The following CDH23 variants were observed in gnomAD, a reference collection of about 807,000 sequenced individuals.
CDH23 encodes cadherin-23.
Under a neutral mutation model 317.1 loss-of-function variants are expected in CDH23, and 189 were observed. That is an observed-to-expected ratio of 0.60 (90% confidence interval 0.53 to 0.67). The LOEUF (loss-of-function observed/expected upper bound fraction) is 0.67. CDH23 is among the 30% of genes least tolerant of loss of function. The probability of loss-of-function intolerance (pLI) is 0.00; values close to 1 mark genes in which losing one functional copy is unlikely to be tolerated. For missense variants in CDH23, 4,401 were observed against 4,592.4 expected (o/e 0.96, Z 1.20); for synonymous variants, 1,839 against 1,876.8 (o/e 0.98, Z 0.52).
intron 45 of CDH23, 105 bp downstream of exon 45, chr10:71,789,147 C>T (rs1841177619): frequency 3.1e-6 from 2 of 653,846 alleles, no homozygotes; most frequent in Non-Finnish European, 5.5e-6. Flanking sequence ...TGAACCTAGA[C>T]CCCAGTGGGT....
At chr10:71,705,641 G>A (rs1345840261) in intron 25 of CDH23, among the ~76,000 whole-genome samples, 1 of 152,156 alleles carries the variant, frequency 6.6e-6, no homozygotes, top group Non-Finnish European at 1.5e-5. Flanking sequence ...TCATCCCCCT[G>A]GGACTCTCAT....
At chr10:71,633,816 G>A (rs772290790) in intron 11 of CDH23, among the ~76,000 whole-genome samples, 2 of 152,048 alleles carry the variant, frequency 1.3e-5, no homozygotes, top group African/African-American at 2.4e-5. Context: ...GCCAGTCCTC[G>A]CTCCCCATCT....
At chr10:71,477,938 A>G (rs1396889350) in intron 3 of CDH23, among the ~76,000 whole-genome samples, 1 of 151,546 alleles carries the variant, frequency 6.6e-6, no homozygotes, top group Non-Finnish European at 1.5e-5. Context: ...AGACATCACT[A>G]CTCTATCATG....
rs1308444940 is a variant in CDH23 at position 71,811,505 on chromosome 10, C to T, written c.9199-6C>T. Reference sequence around the variant, plus strand: ...GCCCGGGCTTACCCTGGTCCTGCTCCCGCAGATGGCGATCATCGTCCTGGC... The same window carrying T: ...GCCCGGGCTTACCCTGGTCCTGCTCTCGCAGATGGCGATCATCGTCCTGGC... On this transcript the variant is annotated splice_polypyrimidine_tract_variant and splice_region_variant and intron_variant, in intron 63 of 69. Coordinates refer to ENST00000224721, the MANE Select transcript of CDH23 (RefSeq NM_022124.6). The T allele has an allele frequency of 6.2e-7, 1 of 1,614,024 alleles. No individual in the cohort carries two copies. Among genetic ancestry groups the T allele is most frequent in the Non-Finnish European group, 8.5e-7 (1 of 1,179,894 alleles).
At chr10:71,551,828 T>C (rs1371003265) in intron 6 of CDH23, among the ~76,000 whole-genome samples, 3 of 152,096 alleles carry the variant, frequency 2.0e-5, no homozygotes, top group African/African-American at 4.8e-5. Flanking sequence ...CTCTGCCCTG[T>C]TCCTCCCACA....
At chr10:71,617,466 G>A (rs760748095) in intron 11 of CDH23, 73 bp downstream of exon 11, 1 of 1,558,712 alleles carries the variant, frequency 6.4e-7, no homozygotes, top group Non-Finnish European at 8.7e-7. Context: ...GGGCTGTTCA[G>A]GTCCTCAGCT....
At chr10:71,673,367 T>C (rs976042061) in intron 14 of CDH23, among the ~76,000 whole-genome samples, 4 of 152,236 alleles carry the variant, frequency 2.6e-5, no homozygotes, top group African/African-American at 9.6e-5. Context: ...GGCAGTCAGA[T>C]CTTCCCAAGA....
At chr10:71,654,304 C>T (rs1057140201) in intron 14 of CDH23, among the ~76,000 whole-genome samples, 2 of 152,184 alleles carry the variant, frequency 1.3e-5, no homozygotes, top group Non-Finnish European at 2.9e-5. Flanking sequence ...CTGCAGCTTA[C>T]GTGGCTTGCC....
At chr10:71,456,406 G>GTTTTGGATGCGGCCATAATAACACT (rs1564591931) in intron 3 of CDH23, among the ~76,000 whole-genome samples, 2 of 151,064 alleles carry the variant, frequency 1.3e-5, no homozygotes, top group African/African-American at 4.9e-5. Context: ...CCTCTAAGGT[G>GTTTTGGATGCGGCCATAATAACACT]ATAGAACAGA....
At chr10:71,761,902 G>A in intron 38 of CDH23, 2 of 1,614,140 alleles carry the variant, frequency 1.2e-6, no homozygotes, top group East Asian at 2.2e-5. Flanking sequence ...ACCACGTCTT[G>A]TAGAAGGTCA....
intron 42 of CDH23, 127 bp from the exon 43 acceptor site, chr10:71,784,764 T>C (rs1841051036): frequency 4.2e-6 from 3 of 720,520 alleles, no homozygotes; most frequent in Middle Eastern, 2.9e-4. Flanking sequence ...CCCTTTTCTC[T>C]TTCTTCTCCA....
intron 3 of CDH23, among the ~76,000 whole-genome samples, chr10:71,472,653 C>T (rs1336951291): frequency 1.3e-5 from 2 of 152,236 alleles, no homozygotes; most frequent in East Asian, 3.8e-4. Context: ...CTGCCAGATA[C>T]TCCACAGCGA....
chr10:71,490,726 C>G (rs1311572128), intron 3 of CDH23, among the ~76,000 whole-genome samples: 1 of 152,210 alleles, frequency 6.6e-6, no homozygotes, highest in Non-Finnish European at 1.5e-5. Flanking sequence ...TGAACATGGA[C>G]TTATGTGTTT....
chr10:71,479,094 A>C (rs1851936643), intron 3 of CDH23, among the ~76,000 whole-genome samples: 1 of 152,106 alleles, frequency 6.6e-6, no homozygotes, highest in Non-Finnish European at 1.5e-5. Flanking sequence ...AAACTAAATA[A>C]TTGTCCCCAT....
At chr10:71,695,105 C>G (rs1224241686) in intron 21 of CDH23, among the ~76,000 whole-genome samples, 1 of 152,204 alleles carries the variant, frequency 6.6e-6, no homozygotes, top group Non-Finnish European at 1.5e-5. Context: ...GATCCCCCAC[C>G]CTGTCAGTCA....
chr10:71,797,101 C>T lies in CDH23; in HGVS notation c.6713-3C>T, dbSNP rs962488357. 1.2e-6 allele frequency: 2 copies of T among 1,604,884 alleles called. No individual in the cohort carries two copies. The highest frequency in any genetic ancestry group is 2.2e-5 in the South Asian group (2 of 90,386). ...GCTGAACCTGGCCTGGTCTGGTCCA[C>T]AGGATCTGTAATGGTGAAGTCCCCC... On this transcript the variant is annotated splice_polypyrimidine_tract_variant and splice_region_variant and intron_variant, in intron 48 of 69. Coordinates refer to ENST00000224721, the MANE Select transcript of CDH23 (RefSeq NM_022124.6).
At chr10:71,799,008 G>A in intron 50 of CDH23, 103 bp from the exon 51 acceptor site, 2 of 1,146,520 alleles carry the variant, frequency 1.7e-6, no homozygotes, top group Admixed American at 2.2e-5. Flanking sequence ...TCCTTCAAGT[G>A]ACCACAGCTG....
At chr10:71,620,936 C>T (rs774913828) in intron 11 of CDH23, among the ~76,000 whole-genome samples, 14 of 152,278 alleles carry the variant, frequency 9.2e-5, no homozygotes, top group Middle Eastern at 3.4e-3. Context: ...TGGAGGAATC[C>T]GGAGCTGGCC....
intron 69 of CDH23, 27 bp from the exon 70 acceptor site, chr10:71,814,925 G>GC: frequency 6.3e-7 from 1 of 1,585,136 alleles, no homozygotes; most frequent in South Asian, 1.1e-5. Context: ...ATGGCCCTGA[G>GC]CATGTGGGGG....
Sources: gnomAD v4.1 joint callset for allele counts (sites outside exome capture counted in the v4.1 genomes callset) on GRCh38, gnomAD v4.1.1 for gene constraint, MANE v1.5 for transcripts, NCBI Gene and HGNC (gene_info 2026-07-23, HGNC 2026-07-21) for gene names.